Variants in TNKS1BP1 observed in about 807,000 individuals in gnomAD.
TNKS1BP1 encodes CCR4-NOT transcription complex subunit 12, also known as 182 kDa tankyrase-1-binding protein.
TNKS1BP1 carries 48 observed loss-of-function variants against 141.1 expected under a neutral mutation model. The ratio of observed to expected loss-of-function variants is 0.34; its 90% confidence interval spans 0.27 to 0.43. The LOEUF is 0.43. Among genes scored for constraint, TNKS1BP1 ranks in the 20% least tolerant of loss-of-function variants. TNKS1BP1 has a pLI of 1.00. For missense variants in TNKS1BP1, 2,149 were observed against 2,226.0 expected, an observed-to-expected ratio of 0.97 and a Z score of 0.70; for synonymous variants, 875 against 898.2, an observed-to-expected ratio of 0.97 and a Z score of 0.46.
At chr11:57,321,549 C>A (rs992361223) in intron 2 of TNKS1BP1, among the ~76,000 whole-genome samples, 2 of 152,210 alleles carry the variant, frequency 1.3e-5, no homozygotes, top group African/African-American at 4.8e-5. Context: ...GCAGCTTGAT[C>A]CATATCATCT....
chr11:57,311,436 T>C, intron 5 of TNKS1BP1: 1 of 985,796 alleles, frequency 1.0e-6, no homozygotes, highest in African/African-American at 1.7e-5. Context: ...GCTGGGCTGC[T>C]ACCCGCGCTG....
chr11:57,324,362 G>A (rs915741123), intron 1 of TNKS1BP1, among the ~76,000 whole-genome samples: 13 of 152,182 alleles, frequency 8.5e-5, no homozygotes, highest in Non-Finnish European at 1.6e-4. Flanking sequence ...GAGGAGGAGG[G>A]GGCTGCGGTG....
At position 57,317,848 on chromosome 11, in the gene TNKS1BP1, A is replaced by AGCCAGGTCCCCGTTGAAG. The variant is rs958141262; in HGVS notation, c.750_767dup (p.Phe251_Ala256dup). On this transcript the variant is annotated inframe_insertion, in exon 4 of 12. Coordinates refer to ENST00000358252, the MANE Select transcript of TNKS1BP1 (RefSeq NM_033396.3). Reference sequence around the variant, plus strand: ...CAGGTAGCTCCGAGCTGGCTGCCTTAGCCAGGTCCCCGTTGAAGGCCAGGT... The same window carrying AGCCAGGTCCCCGTTGAAG: ...CAGGTAGCTCCGAGCTGGCTGCCTTAGCCAGGTCCCCGTTGAAGGCCAGGTCCCCGTTGAAGGCCAGGT... 2.9e-5 allele frequency: 46 copies of AGCCAGGTCCCCGTTGAAG among 1,613,978 alleles called. No homozygotes were observed. The Admixed American group carries it at 3.2e-4, about 11-fold the overall frequency.
rs772506053 is a variant in TNKS1BP1, at chr11:57,313,403, A to G, written c.1285T>C (p.Ser429Pro). The G allele has an allele frequency of 3.1e-6, 5 of 1,612,116 alleles. No homozygotes were observed. Among genetic ancestry groups the G allele is most frequent in the African/African-American group, 2.7e-5 (2 of 74,938 alleles). Residue 429 changes from serine to proline, a missense_variant, in exon 5 of 12, where the codon TCT becomes CCT. By Grantham distance (74) the Ser-to-Pro change is moderately conservative. Coordinates refer to ENST00000358252, the MANE Select transcript of TNKS1BP1 (RefSeq NM_033396.3). Reference sequence around the variant, plus strand: ...CTGGGTGACTGGAGCACACCTTCAGAGAATCGGCGCTGAACCAGGCTGGTG... The same window carrying G: ...CTGGGTGACTGGAGCACACCTTCAGGGAATCGGCGCTGAACCAGGCTGGTG... ...RPTSLVQRRF[S>P]EGVLQSPSQD...
chr11:57,315,599 C>A (rs1381269813), intron 4 of TNKS1BP1, among the ~76,000 whole-genome samples: 1 of 152,054 alleles, frequency 6.6e-6, no homozygotes, highest in African/African-American at 2.4e-5. Flanking sequence ...CGGCACTCCC[C>A]CTGCCATTCA....
Position 57,313,168 on chromosome 11 carries a change from G to C in TNKS1BP1, c.1520C>G (p.Ala507Gly), listed in dbSNP as rs767215791. 2.5e-6 allele frequency: 4 copies of C among 1,612,942 alleles called. No individual in the cohort carries two copies. The South Asian group carries it at 4.4e-5, about 18-fold the overall frequency. The change falls in exon 5 of 12, where the codon GCC becomes GGC. Residue 507 changes from alanine to glycine, a missense_variant. Ala to Gly is a moderately conservative substitution (Grantham distance 60). Transcript: ENST00000358252. ...CAAGTTGCCAGCCTCAGCAGCCTCG[G>C]CGGCCTCACTGGCTTCAGTGATGGG... ...PSPITEASEA[A>G]EAAEAGNLAV... is the part of the protein sequence containing the mutation.
chr11:57,306,602 G>T (rs112884635), intron 6 of TNKS1BP1, among the ~76,000 whole-genome samples: 67 of 152,194 alleles, frequency 4.4e-4, no homozygotes, highest in Non-Finnish European at 8.8e-4. Context: ...TTTTTGAGGA[G>T]CCGTGCTTTC....
chr11:57,317,229 C>T (rs1301197775), intron 4 of TNKS1BP1, among the ~76,000 whole-genome samples: 1 of 152,194 alleles, frequency 6.6e-6, no homozygotes, highest in African/African-American at 2.4e-5. Flanking sequence ...GTCAGATCTC[C>T]AGCTAGCAAG....
At position 57,312,788 on chromosome 11, in the gene TNKS1BP1, A is replaced by G; in HGVS notation, c.1900T>C (p.Phe634Leu). 2 of 1,610,322 alleles carry G rather than the reference A, an allele frequency of 1.2e-6. No homozygotes were observed. ...PAAPDQPCVL[F>L]ADAPEPGQAL... ...TGTCCAGGCTCAGGGGCATCAGCAA[A>G]GAGAACACAGGGCTGGTCAGGGGCT... The change falls in exon 5 of 12, where the codon TTT becomes CTT. Residue 634 changes from phenylalanine to leucine, a missense_variant. Phe to Leu is a conservative substitution (Grantham distance 22). Coordinates refer to ENST00000358252, the MANE Select transcript of TNKS1BP1 (RefSeq NM_033396.3).
In TNKS1BP1 at chr11:57,300,659, G is replaced by T. The variant is rs1855511769; in HGVS notation, c.5130-59C>A. On this transcript the variant is annotated intron_variant, in intron 10 of 11. Transcript: ENST00000358252. ...ACTTTGAGGAAACTGAACACAACAA[G>T]GAGACGTGATAGGGACAGAAACCAC... 12 of 1,608,184 alleles carry T rather than the reference G, an allele frequency of 7.5e-6. No individual in the cohort carries two copies. In the South Asian group the frequency reaches 1.3e-4, roughly 18 times the overall value.
chr11:57,314,963 C>T (rs1031249057), intron 4 of TNKS1BP1, among the ~76,000 whole-genome samples: 2 of 152,158 alleles, frequency 1.3e-5, no homozygotes, highest in African/African-American at 4.8e-5. Context: ...TAAACTACAG[C>T]ACCCACAATT....
At chr11:57,324,409 G>A (rs1176083330) in intron 1 of TNKS1BP1, among the ~76,000 whole-genome samples, 1 of 151,028 alleles carries the variant, frequency 6.6e-6, no homozygotes, top group Non-Finnish European at 1.5e-5. Context: ...GGGCTGTGAA[G>A]CAGCCGGCGA....
intron 2 of TNKS1BP1, among the ~76,000 whole-genome samples, chr11:57,321,383 C>T (rs1000478300): frequency 3.3e-5 from 5 of 152,154 alleles, no homozygotes; most frequent in African/African-American, 9.7e-5. Flanking sequence ...GAAGTACCCT[C>T]GTCCACAGTC....
At position 57,310,068 on chromosome 11, in the gene TNKS1BP1, T is replaced by C. The variant is rs750678740; in HGVS notation, c.2643A>G (p.Val881=). Residue 881 remains valine (V), a synonymous_variant, in exon 6 of 12, where the codon GTA becomes GTG. Coordinates refer to ENST00000358252, the MANE Select transcript of TNKS1BP1 (RefSeq NM_033396.3). ...DSLGTYSSRD[V]SLGDWEFGKR... is the part of the protein sequence containing the mutation. ...TCCCAAATTCCCAGTCCCCAAGGCT[T>C]ACATCTCGACTACTGTAGGTACCCA... 3.2e-5 allele frequency: 51 copies of C among 1,614,054 alleles called. No homozygotes were observed. The highest frequency in any genetic ancestry group is 4.1e-5 in the Non-Finnish European group (48 of 1,180,032).
chr11:57,321,742 CTTCCCA>C, intron 2 of TNKS1BP1, 44 bp downstream of exon 2: 1 of 1,455,218 alleles, frequency 6.9e-7, no homozygotes, highest in Non-Finnish European at 9.6e-7. Flanking sequence ...AGCCTCTGTC[CTTCCCA>C]CCCCCCTCCC....
At position 57,313,428 on chromosome 11, in the gene TNKS1BP1, G is replaced by A; in HGVS notation, c.1260C>T (p.Pro420=). The change falls in exon 5 of 12, where the codon CCC becomes CCT. Residue 420 remains proline, a synonymous_variant. Coordinates refer to ENST00000358252, the MANE Select transcript of TNKS1BP1 (RefSeq NM_033396.3). ...AGAATCGGCGCTGAACCAGGCTGGT[G>A]GGGCGGAGGTGTGCGTCACCCTTGG... The part of the protein sequence containing the change: ...EEAKGDAHLR[P]TSLVQRRFSE... 1 of 1,609,586 alleles carries A rather than the reference G, an allele frequency of 6.2e-7. No homozygotes were observed. Among genetic ancestry groups the A allele is most frequent in the Non-Finnish European group, 8.5e-7 (1 of 1,177,550 alleles).
chr11:57,304,799 G>C (rs1855582012), intron 6 of TNKS1BP1, among the ~76,000 whole-genome samples: 2 of 149,484 alleles, frequency 1.3e-5, no homozygotes, highest in African/African-American at 4.9e-5. Flanking sequence ...TTGAACCCGG[G>C]TGGTGGAGGT....
intron 2 of TNKS1BP1, 48 bp downstream of exon 2, chr11:57,321,744 T>TGCCG: frequency 9.6e-7 from 1 of 1,039,822 alleles, no homozygotes; most frequent in Non-Finnish European, 1.5e-6. Context: ...CCTCTGTCCT[T>TGCCG]CCCACCCCCC....
rs554383382 is a variant in TNKS1BP1 at position 57,312,900 on chromosome 11, C to A, written c.1788G>T (p.Leu596Phe). 22 of 1,609,366 alleles carry A rather than the reference C, an allele frequency of 1.4e-5. No homozygotes were observed. The highest frequency in any genetic ancestry group is 1.8e-5 in the Non-Finnish European group (21 of 1,177,096). The change falls in exon 5 of 12, where the codon TTG becomes TTT. Residue 596 changes from leucine to phenylalanine, a missense_variant. Physicochemically the swap from Leu to Phe is conservative, Grantham distance 22. Transcript: ENST00000358252. Reference sequence around the variant, plus strand: ...GGGGGAGAGGGGACTCCTGTCCAGCCAAGGGCTCCTGCGACTCGTATCTCT... The same window carrying A: ...GGGGGAGAGGGGACTCCTGTCCAGCAAAGGGCTCCTGCGACTCGTATCTCT... The part of the protein sequence containing the change: ...AEERYESQEP[L>F]AGQESPLPLA...
Sources: gnomAD v4.1 joint callset for allele counts (sites outside exome capture counted in the v4.1 genomes callset) on GRCh38, gnomAD v4.1.1 for gene constraint, MANE v1.5 for transcripts, NCBI Gene and HGNC (gene_info 2026-07-23, HGNC 2026-07-21) for gene names.